Variants in NF2 observed in about 807,000 individuals in gnomAD.
NF2 encodes the protein NF2, moesin-ezrin-radixin like (MERLIN) tumor suppressor.
Under a neutral mutation model 83.7 loss-of-function variants are expected in NF2, and 8 were observed. The ratio of observed to expected loss-of-function variants is 0.10; its 90% confidence interval spans 0.06 to 0.17. NF2 has a LOEUF of 0.17. Among genes scored for constraint, NF2 ranks in the 10% least tolerant of loss-of-function variants. The pLI is 1.00. For missense variants in NF2, 533 were observed against 744.4 expected (o/e 0.72, Z 3.31); for synonymous variants, 266 against 269.6 (o/e 0.99, Z 0.13).
intron 5 of NF2, among the ~76,000 whole-genome samples, 168 bp downstream of exon 5, chr22:29,654,893 G>A (rs2066253980): frequency 6.6e-6 from 1 of 152,116 alleles, no homozygotes; most frequent in African/African-American, 2.4e-5. Flanking sequence ...ATATTAAAAA[G>A]CAAAGGTTTT....
chr22:29,681,534 C>T lies in NF2; in HGVS notation c.1670C>T (p.Ala557Val). The change falls in exon 15 of 16, where the codon GCT (alanine) becomes GTT (valine). Residue 557 changes from alanine (A) to valine (V), a missense_variant. Ala to Val is a moderately conservative substitution (Grantham distance 64, BLOSUM62 0). Transcript: ENST00000338641. ...EALKLKERET[A>V]LDILHNENSD... ...TTGAAACTGAAAGAGAGGGAGACAG[C>T]TCTGGATATTCTGCACAATGAGAAC... 2 of 1,614,176 alleles carry T rather than the reference C, an allele frequency of 1.2e-6. No homozygotes were observed. The highest frequency in any genetic ancestry group is 1.7e-6 in the Non-Finnish European group (2 of 1,180,030).
At chr22:29,623,497 G>A (rs1195298870) in intron 1 of NF2, among the ~76,000 whole-genome samples, 1 of 152,162 alleles carries the variant, frequency 6.6e-6, no homozygotes, top group Non-Finnish European at 1.5e-5. Context: ...GAACAGCAGT[G>A]GGACTTGCTG....
chr22:29,640,989 C>T (rs1462602122), intron 3 of NF2, among the ~76,000 whole-genome samples: 1 of 152,000 alleles, frequency 6.6e-6, no homozygotes, highest in Non-Finnish European at 1.5e-5. Flanking sequence ...CAAAATTAGC[C>T]GGGCATGGTG....
rs11442202 is a variant in NF2, at chr22:29,696,824, G to GT, written c.*2032dup. ...TTTTTTTTTTTCTGTTTCTGTTTCTGTTTTTTTTTTGAGATGGAGTCTCGC... is the reference window on the plus strand; with the variant it reads ...TTTTTTTTTTTCTGTTTCTGTTTCTGTTTTTTTTTTTGAGATGGAGTCTCGC... On this transcript the variant is annotated 3_prime_UTR_variant, in exon 16 of 16. Coordinates refer to ENST00000338641, the MANE Select transcript of NF2 (RefSeq NM_000268.4). 114,845 of 164,890 alleles carry GT rather than the reference G, an allele frequency of 0.7. 39,839 individuals are homozygous for GT. The highest frequency in any genetic ancestry group is 0.88 in the African/African-American group (34,059 of 38,696). 10.2% of individuals were successfully genotyped at this position (164,890 alleles called of 1,614,324 possible).
At position 29,694,741 on chromosome 22, in the gene NF2, C is replaced by G. The variant is rs200786519; in HGVS notation, c.1738-11C>G. ...TTGTGCCCTCTCAGCTTCTTCTCTG[C>G]TTTCTTACAGCTCACCTTGCAGAGC... On this transcript the variant is annotated splice_polypyrimidine_tract_variant and intron_variant, in intron 15 of 15. Coordinates refer to ENST00000338641, the MANE Select transcript of NF2 (RefSeq NM_000268.4). The surrounding 1 kb of genome is among the most constrained non-coding windows in gnomAD (Gnocchi z 4.1). 6.2e-7 allele frequency: 1 copy of G among 1,613,702 alleles called. No individual in the cohort carries two copies. Among genetic ancestry groups the G allele is most frequent in the African/African-American group, 1.3e-5 (1 of 75,038 alleles).
intron 15 of NF2, among the ~76,000 whole-genome samples, chr22:29,691,002 T>C (rs907595677): frequency 6.6e-6 from 1 of 152,208 alleles, no homozygotes; most frequent in African/African-American, 2.4e-5. Context: ...CTCACTTGTC[T>C]TCAGAAGGAT....
intron 4 of NF2, among the ~76,000 whole-genome samples, chr22:29,643,632 C>G (rs1358526186): frequency 2.6e-5 from 4 of 152,196 alleles, no homozygotes; most frequent in Non-Finnish European, 2.9e-5. Context: ...AACAGGATCC[C>G]AAGGCAGAAG....
At chr22:29,641,966 T>C (rs1305503268) in intron 3 of NF2, among the ~76,000 whole-genome samples, 2 of 152,236 alleles carry the variant, frequency 1.3e-5, no homozygotes, top group East Asian at 3.9e-4. Context: ...TCAGCATTGA[T>C]CATGAAGAGA....
At chr22:29,681,305 G>A in intron 14 of NF2, 134 bp from the exon 15 acceptor site, 3 of 996,608 alleles carry the variant, frequency 3.0e-6, no homozygotes, top group East Asian at 2.4e-5. Context: ...TGGCCTGTGA[G>A]TGGCCAAGTA....
chr22:29,603,755 G>A lies in NF2; in HGVS notation c.-244G>A, dbSNP rs2064703369. On this transcript the variant is annotated 5_prime_UTR_variant, in exon 1 of 16. Coordinates refer to ENST00000338641, the MANE Select transcript of NF2 (RefSeq NM_000268.4). ...CGGAGTGCCGGGTCGCGCCTGCACC[G>A]AAGGTCCCGGCTCCTGTGCCCTCCC... The A allele has an allele frequency of 3.9e-6, 2 of 514,188 alleles. No homozygotes were observed. The highest frequency in any genetic ancestry group is 3.7e-5 in the Admixed American group (1 of 26,754). The allele number at this position is 514,188 out of a possible 1,614,324, so 31.9% of individuals were successfully genotyped here. A position where few individuals can be genotyped will look rare whatever the true frequency, so the allele number is the denominator to read the frequency against.
intron 12 of NF2, 79 bp downstream of exon 12, chr22:29,673,565 A>C: frequency 6.8e-7 from 1 of 1,468,148 alleles, no homozygotes; most frequent in Non-Finnish European, 9.3e-7. Context: ...GCTGAGCTCT[A>C]CAGCAGTTGT....
intron 1 of NF2, among the ~76,000 whole-genome samples, chr22:29,629,761 A>C (rs1170570009): frequency 6.6e-6 from 1 of 152,246 alleles, no homozygotes; most frequent in African/African-American, 2.4e-5. Context: ...CATTTTCTGC[A>C]GAGGAGACAG....
At chr22:29,679,191 T>C (rs1243328357) in intron 14 of NF2, among the ~76,000 whole-genome samples, 1 of 152,220 alleles carries the variant, frequency 6.6e-6, no homozygotes, top group Non-Finnish European at 1.5e-5. Flanking sequence ...CCACAGCTGA[T>C]GCAGAGGGGT....
At chr22:29,624,814 T>TTTCC (rs1356065785) in intron 1 of NF2, among the ~76,000 whole-genome samples, 4 of 116,176 alleles carry the variant, frequency 3.4e-5, no homozygotes, top group Admixed American at 3.4e-4. Context: ...TCTTTCTTTC[T>TTTCC]TTCTTTCTTT....
intron 15 of NF2, among the ~76,000 whole-genome samples, chr22:29,689,578 T>C (rs1341704436): frequency 1.3e-5 from 2 of 152,130 alleles, no homozygotes; most frequent in African/African-American, 4.8e-5. Flanking sequence ...GGTTCAGTAC[T>C]GTGAGTCTTA....
intron 15 of NF2, among the ~76,000 whole-genome samples, chr22:29,693,514 G>A (rs556044845): frequency 9.2e-5 from 14 of 152,316 alleles, no homozygotes; most frequent in Admixed American, 4.6e-4. Context: ...TGGAGCCGCC[G>A]ATAGTACCGA....
chr22:29,633,392 CTCCTCTGG>C (rs1482777899), intron 1 of NF2, among the ~76,000 whole-genome samples: 1 of 152,140 alleles, frequency 6.6e-6, no homozygotes. Context: ...TTAATTCTGT[CTCCTCTGG>C]TCCTGTTCAG....
intron 1 of NF2, among the ~76,000 whole-genome samples, chr22:29,625,544 C>T (rs1314517510): frequency 2.6e-5 from 4 of 152,180 alleles, no homozygotes; most frequent in Admixed American, 2.6e-4. Flanking sequence ...CAGCTGGTGA[C>T]GAGGCTTCTC....
At position 29,698,477 on chromosome 22, in the gene NF2, C is replaced by G. The variant is rs1003631916; in HGVS notation, c.*3675C>G. The G allele has an allele frequency of 1.1e-4, 24 of 212,618 alleles. No homozygotes were observed. Among genetic ancestry groups the G allele is most frequent in the African/African-American group, 4.8e-4 (21 of 44,112 alleles). The allele number at this position is 212,618 out of a possible 1,614,324, so 13.2% of individuals were successfully genotyped here. ...CCATTTTCAAAGATGTCAAACGTCA[C>G]TTCTTCCTGTAGGGCCCGAGTCCTG... On this transcript the variant is annotated 3_prime_UTR_variant, in exon 16 of 16. Coordinates refer to ENST00000338641, the MANE Select transcript of NF2 (RefSeq NM_000268.4).
Sources: allele counts gnomAD v4.1 joint callset (sites outside exome capture counted in the v4.1 genomes callset), GRCh38; gene constraint gnomAD v4.1.1; non-coding constraint Gnocchi (gnomAD v3.1); transcripts MANE v1.5; gene names NCBI Gene and HGNC (gene_info 2026-07-23, HGNC 2026-07-21).